The following FGF14 variants were observed in gnomAD, a reference collection of about 807,000 sequenced individuals.
FGF14 encodes the protein fibroblast growth factor homologous factor 4.
A neutral mutation model predicts 25.5 loss-of-function variants in FGF14; 5 were observed. The ratio of observed to expected loss-of-function variants is 0.20; its 90% CI spans 0.10 to 0.41. The LOEUF (loss-of-function observed/expected upper bound fraction) is 0.41. Ranked by LOEUF, FGF14 falls within the 10% of genes least tolerant of loss-of-function variation. FGF14 has a pLI of 1.00. For synonymous variants in FGF14, 138 were observed against 118.3 expected (o/e 1.17, Z -1.08); for missense variants, 222 against 320.1 (o/e 0.69, Z 2.34).
intron 1 of FGF14, among the ~76,000 whole-genome samples, chr13:102,198,263 G>A (rs2049457191): frequency 6.6e-6 from 1 of 152,220 alleles, no homozygotes; most frequent in African/African-American, 2.4e-5. Context: ...ATCTCCTGGA[G>A]CTGATGGTCC....
chr13:102,276,353 GTATATATATA>G (rs10574334), intron 1 of FGF14, among the ~76,000 whole-genome samples: 69 of 103,278 alleles, frequency 6.7e-4, no homozygotes, highest in East Asian at 1.2e-3. Flanking sequence ...GTGTGTGTGT[GTATATATATA>G]TATATATATA....
At position 101,901,860 on chromosome 13, in the gene FGF14, T is replaced by C. The variant is rs145258360; in HGVS notation, c.193+14593A>G. 1.8e-3 allele frequency among the ~76,000 whole-genome samples: 280 copies of C among 152,294 alleles called. 3 individuals carry two copies. The highest frequency in any genetic ancestry group is 6.4e-3 in the African/African-American group (266 of 41,562). On this transcript the variant is annotated intron_variant, in intron 1 of 4. Coordinates refer to ENST00000376143, the MANE Select transcript of FGF14 (RefSeq NM_004115.4). ...CATCTGTCAGTTTCCATTCTTTCGT[T>C]TGAAAAATAAAGAGAATATTATCTA...
chr13:101,943,958 A>G (rs113831822), intron 1 of FGF14, among the ~76,000 whole-genome samples: 9,862 of 146,816 alleles, frequency 0.067, 1,107 homozygotes, highest in African/African-American at 0.23. Context: ...CCGAGATAGC[A>G]CCATTGCACT....
intron 1 of FGF14, among the ~76,000 whole-genome samples, chr13:102,361,010 C>T (rs891431095): frequency 5.3e-5 from 8 of 152,144 alleles, no homozygotes; most frequent in African/African-American, 1.9e-4. Context: ...AATTATATCC[C>T]TGTCTAAATT....
intron 1 of FGF14, among the ~76,000 whole-genome samples, chr13:102,363,960 G>T (rs907655150): frequency 8.5e-5 from 13 of 152,296 alleles, no homozygotes; most frequent in African/African-American, 3.1e-4. Context: ...TGTTGCATTT[G>T]AATATCTTAG....
chr13:101,820,015 T>C (rs1263407962), intron 3 of FGF14, among the ~76,000 whole-genome samples: 1 of 152,212 alleles, frequency 6.6e-6, no homozygotes, highest in African/African-American at 2.4e-5. Context: ...TCAGCTTTCC[T>C]AGCTATTTCT....
At chr13:102,229,305 G>A (rs2050970708) in intron 1 of FGF14, among the ~76,000 whole-genome samples, 1 of 152,142 alleles carries the variant, frequency 6.6e-6, no homozygotes, top group African/African-American at 2.4e-5. Flanking sequence ...TAGTACTTAA[G>A]ACATGCAGGA....
At chr13:101,835,653 AC>A (rs1455099878) in intron 3 of FGF14, among the ~76,000 whole-genome samples, 3 of 151,968 alleles carry the variant, frequency 2.0e-5, no homozygotes, top group Non-Finnish European at 4.4e-5. Flanking sequence ...GGTCTGAGAA[AC>A]CAGCTCTGCT....
intron 1 of FGF14, among the ~76,000 whole-genome samples, chr13:101,996,866 C>T (rs2039213963): frequency 6.6e-6 from 1 of 152,168 alleles, no homozygotes; most frequent in African/African-American, 2.4e-5. Flanking sequence ...GAGGAAGCAA[C>T]AGAAACCAAT....
At chr13:102,006,082 A>C (rs989475292) in intron 1 of FGF14, among the ~76,000 whole-genome samples, 1 of 152,202 alleles carries the variant, frequency 6.6e-6, no homozygotes. Flanking sequence ...ACTAGGTACA[A>C]GTTCTTAGTG....
chr13:102,008,733 T>C (rs1220296003), intron 1 of FGF14, among the ~76,000 whole-genome samples: 1 of 152,154 alleles, frequency 6.6e-6, no homozygotes, highest in Non-Finnish European at 1.5e-5. Context: ...GAGCAGCTGT[T>C]CTCTTGAACT....
chr13:101,917,323 T>G (rs894812919), upstream of FGF14, among the ~76,000 whole-genome samples: 24 of 148,868 alleles, frequency 1.6e-4, no homozygotes, highest in Non-Finnish European at 3.6e-4. Flanking sequence ...GTGGTCCCCC[T>G]CCTGATGTAC....
At chr13:101,993,803 T>C (rs895599019) in intron 1 of FGF14, among the ~76,000 whole-genome samples, 1 of 151,624 alleles carries the variant, frequency 6.6e-6, no homozygotes, top group East Asian at 1.9e-4. Context: ...GCAAAGAAAA[T>C]CTATGAAAGA....
chr13:101,856,939 G>A (rs760574100), intron 3 of FGF14, among the ~76,000 whole-genome samples: 2 of 151,948 alleles, frequency 1.3e-5, no homozygotes, highest in African/African-American at 2.4e-5. Context: ...ATAGGTAATA[G>A]AAACAGTATT....
intron 1 of FGF14, among the ~76,000 whole-genome samples, chr13:101,938,570 G>T (rs1421987866): frequency 6.6e-6 from 1 of 152,106 alleles, no homozygotes; most frequent in Non-Finnish European, 1.5e-5. Flanking sequence ...TTTGTTTGTA[G>T]AAAATTAGTA....
intron 1 of FGF14, among the ~76,000 whole-genome samples, chr13:102,161,647 A>AAGAAGAAGG (rs2047731386): frequency 1.0e-4 from 2 of 19,800 alleles, no homozygotes; most frequent in Non-Finnish European, 2.1e-4. Context: ...GAAGAAGAAG[A>AAGAAGAAGG]AGAAGAAGAA....
intron 1 of FGF14, among the ~76,000 whole-genome samples, chr13:102,049,341 C>T (rs2042120488): frequency 6.6e-6 from 1 of 152,102 alleles, no homozygotes; most frequent in Admixed American, 6.6e-5. Context: ...TTTTTATTGA[C>T]TTTAAAATCA....
At chr13:102,118,108 A>T (rs992595883) in intron 1 of FGF14, among the ~76,000 whole-genome samples, 1 of 152,144 alleles carries the variant, frequency 6.6e-6, no homozygotes, top group African/African-American at 2.4e-5. Context: ...TATACTCAAG[A>T]CAAAGGAAAA....
At chr13:102,025,179 T>C (rs1204423216) in intron 1 of FGF14, among the ~76,000 whole-genome samples, 1 of 151,878 alleles carries the variant, frequency 6.6e-6, no homozygotes, top group East Asian at 1.9e-4. Flanking sequence ...GTCCCTTCAA[T>C]GTCCATATAA....
Sources: allele counts gnomAD v4.1 joint callset (sites outside exome capture counted in the v4.1 genomes callset), GRCh38; gene constraint gnomAD v4.1.1; transcripts MANE v1.5; gene names NCBI Gene and HGNC (gene_info 2026-07-23, HGNC 2026-07-21).